ABCA10: variants seen among roughly 807,000 people sequenced by gnomAD.
ABCA10 encodes the protein ATP-binding cassette sub-family A member 10.
In ABCA10, 169 loss-of-function variants were observed where a neutral mutation model predicts 187.5. That is an observed-to-expected ratio of 0.90 (90% CI 0.80 to 1.02). The LOEUF is 1.02. Among genes scored for constraint, ABCA10 ranks in the 50% least tolerant of loss-of-function variants. The pLI, the probability that ABCA10 is intolerant of heterozygous loss-of-function variation, is 0.00. For synonymous variants in ABCA10, 574 were observed against 601.8 expected (o/e 0.95, Z 0.68); for missense variants, 1,727 against 1,812.4 (o/e 0.95, Z 0.86).
rs1328270786 is a variant in ABCA10, at chr17:69,212,098, T to C, written c.1006+2606A>G. Reference sequence around the variant, plus strand: ...GTCTATTTGTGCTCTTTCAGACTTTTTGATGTAGGTATTTTATGCCATGAA... The same window carrying C: ...GTCTATTTGTGCTCTTTCAGACTTTCTGATGTAGGTATTTTATGCCATGAA... On this transcript the variant is annotated intron_variant, in intron 9 of 38. Coordinates refer to ENST00000690296, the MANE Select transcript of ABCA10 (RefSeq NM_001377321.1). Among the ~76,000 whole-genome samples, 6 of 152,188 alleles carry C rather than the reference T, an allele frequency of 3.9e-5. No homozygotes were observed. In the East Asian group the frequency reaches 1.2e-3, roughly 29 times the overall value.
intron 9 of ABCA10, among the ~76,000 whole-genome samples, chr17:69,209,247 T>C: frequency 6.6e-6 from 1 of 152,214 alleles, no homozygotes; most frequent in East Asian, 1.9e-4. Context: ...TAGGGCAACA[T>C]GTTAAGATAA....
intron 22 of ABCA10, among the ~76,000 whole-genome samples, chr17:69,181,292 C>T (rs1008324524): frequency 6.6e-6 from 1 of 152,160 alleles, no homozygotes; most frequent in African/African-American, 2.4e-5. Context: ...TCATTTCCAA[C>T]CAAATCCATT....
chr17:69,228,878 A>G (rs1332565688), upstream of ABCA10: 1 of 152,032 alleles, frequency 6.6e-6, no homozygotes, highest in African/African-American at 2.4e-5. Flanking sequence ...GCATACACAC[A>G]AAAAAAGAGA....
In ABCA10 at chr17:69,172,305, C is replaced by T. The variant is rs7218970; in HGVS notation, c.3162+1976G>A. 9.3e-3 allele frequency among the ~76,000 whole-genome samples: 1,420 copies of T among 152,218 alleles called. 19 individuals carry two copies. Among genetic ancestry groups the T allele is most frequent in the African/African-American group, 0.033 (1,362 of 41,532 alleles). On this transcript the variant is annotated intron_variant, in intron 25 of 38. Transcript: ENST00000690296. ...AATTTTAACCCCCAGTAGCTCAGAA[C>T]ATGACTATATTTAGAAATAGTCTCT...
intron 22 of ABCA10, 140 bp downstream of exon 22, chr17:69,182,013 G>T: frequency 1.3e-6 from 1 of 769,098 alleles, no homozygotes; most frequent in Non-Finnish European, 1.8e-6. Context: ...TGCAGATGAA[G>T]ACACAAAGGC....
chr17:69,194,987 C>T (rs1458394787), intron 11 of ABCA10, among the ~76,000 whole-genome samples: 1 of 152,140 alleles, frequency 6.6e-6, no homozygotes, highest in African/African-American at 2.4e-5. Flanking sequence ...TGGTACTGGT[C>T]ATCATTTTGC....
At chr17:69,244,844 C>T (rs1287134066) in exon 1 of ABCA10, 1 of 150,430 alleles carries the variant, frequency 6.6e-6, no homozygotes, top group African/African-American at 2.4e-5. Flanking sequence ...GTTAGTACTA[C>T]TAGCAAAGGA....
At chr17:69,242,656 G>A (rs1026940092) in intron 1 of ABCA10, among the ~76,000 whole-genome samples, 1 of 152,012 alleles carries the variant, frequency 6.6e-6, no homozygotes, top group Non-Finnish European at 1.5e-5. Context: ...TAGAGACAGG[G>A]TTTCACCATG....
At chr17:69,208,146 G>A (rs866742106) in intron 9 of ABCA10, among the ~76,000 whole-genome samples, 89 of 151,960 alleles carry the variant, frequency 5.9e-4, no homozygotes, top group African/African-American at 2.0e-3. Context: ...GGCCAGGCGC[G>A]GTGGCTCACG....
intron 9 of ABCA10, among the ~76,000 whole-genome samples, chr17:69,210,543 G>A (rs2074635215): frequency 6.6e-6 from 1 of 151,914 alleles, no homozygotes; most frequent in Admixed American, 6.6e-5. Context: ...AGTATACACT[G>A]CATCCAATGT....
In ABCA10 at chr17:69,182,693, T is replaced by C. The variant is rs2074389624; in HGVS notation, c.2613A>G (p.Ile871Met). Residue 871 changes from isoleucine (I) to methionine (M), a missense_variant, in exon 21 of 39, where the codon ATA becomes ATG. Physicochemically the swap from Ile to Met is conservative, Grantham distance 10. Transcript: ENST00000690296. ...AACATACCTTCTGGTCACCAGACAC[T>C]ATGATGGCTCCATTGTAGGAGGGAT... Reference protein sequence around the residue: ...SDDPSYNGAIIVSGDQKDYRF... With the variant: ...SDDPSYNGAIMVSGDQKDYRF... 4 of 1,605,770 alleles carry C rather than the reference T, an allele frequency of 2.5e-6. No individual in the cohort carries two copies.
intron 9 of ABCA10, among the ~76,000 whole-genome samples, chr17:69,205,459 T>C (rs2144822078): frequency 6.6e-6 from 1 of 152,342 alleles, no homozygotes; most frequent in South Asian, 2.1e-4. Context: ...AAAAAGCAAA[T>C]ATCTCTTCCC....
At chr17:69,212,449 T>G (rs2074668219) in intron 9 of ABCA10, among the ~76,000 whole-genome samples, 2 of 152,198 alleles carry the variant, frequency 1.3e-5, no homozygotes. Context: ...TCTGCAGTTG[T>G]TGGGTAGAAT....
Position 69,153,318 on chromosome 17 carries a change from GC to G in ABCA10, c.4122del (p.Gln1375SerfsTer21). 1 of 1,611,610 alleles carries G rather than the reference GC, an allele frequency of 6.2e-7. No individual in the cohort carries two copies. Among genetic ancestry groups the G allele is most frequent in the South Asian group, 1.1e-5 (1 of 90,728 alleles). ...CACTCTCCTTACCACATTTGCTGCT[GC>G]CCCTCGGGGTCCATCCCGGTGAACG... Reference protein sequence around the residue: ...DEPFTGMDPEGQQQMWQILQA... With the variant: ...DEPFTGMDPEXQQQMWQILQA... On this transcript the variant is annotated frameshift_variant, in exon 34 of 39. Transcript: ENST00000690296. LOFTEE classifies it high-confidence loss of function.
chr17:69,158,227 T>C (rs2074188721), intron 27 of ABCA10, among the ~76,000 whole-genome samples: 1 of 152,042 alleles, frequency 6.6e-6, no homozygotes, highest in African/African-American at 2.4e-5. Context: ...TGTTAGTGGA[T>C]GATTTTTAGA....
chr17:69,162,082 G>A (rs747583857), intron 27 of ABCA10, among the ~76,000 whole-genome samples: 8 of 152,160 alleles, frequency 5.3e-5, no homozygotes, highest in East Asian at 1.9e-4. Context: ...ACATAATTCC[G>A]ATTGAAAAAT....
intron 1 of ABCA10, among the ~76,000 whole-genome samples, chr17:69,236,607 A>C (rs1329919910): frequency 1.3e-5 from 2 of 152,190 alleles, no homozygotes; most frequent in Admixed American, 6.5e-5. Context: ...GTATGGAAAA[A>C]CTACAGAAAA....
intron 25 of ABCA10, among the ~76,000 whole-genome samples, chr17:69,165,568 G>A (rs1355690147): frequency 1.3e-5 from 2 of 152,102 alleles, no homozygotes; most frequent in East Asian, 3.9e-4. Flanking sequence ...ATTCCCAGAG[G>A]TAAATTATAT....
intron 1 of ABCA10, among the ~76,000 whole-genome samples, chr17:69,237,146 G>C (rs544126216): frequency 1.3e-5 from 2 of 152,252 alleles, no homozygotes; most frequent in East Asian, 3.9e-4. Context: ...GTCATCAATG[G>C]AGTCGACAAG....
Sources: allele counts gnomAD v4.1 joint callset (sites outside exome capture counted in the v4.1 genomes callset), GRCh38; gene constraint gnomAD v4.1.1; transcripts MANE v1.5; gene names NCBI Gene and HGNC (gene_info 2026-07-23, HGNC 2026-07-21).